The following CA11 variants were observed in gnomAD, a reference collection of about 807,000 sequenced individuals.
The protein encoded by CA11 is carbonic anhydrase 11 (inactive), also known as carbonic anhydrase-related protein 11.
A neutral mutation model predicts 39.3 loss-of-function variants in CA11; 20 were observed. The ratio of observed to expected loss-of-function variants is 0.51; its 90% CI spans 0.36 to 0.74. The LOEUF (loss-of-function observed/expected upper bound fraction) is 0.74. CA11 is among the 30% of genes least tolerant of loss of function. The pLI is 0.00. For synonymous variants in CA11, 166 were observed against 172.5 expected, an observed-to-expected ratio of 0.96 and a Z score of 0.29; for missense variants, 336 against 424.6, an observed-to-expected ratio of 0.79 and a Z score of 1.83.
chr19:48,644,635 T>C (rs1261694349), intron 2 of CA11, 66 bp from the exon 3 acceptor site: 1 of 1,362,186 alleles, frequency 7.3e-7, no homozygotes, highest in Non-Finnish European at 9.8e-7. Context: ...AGGGCTGGTA[T>C]CTGCTGAGTG....
chr19:48,638,035 CT>C lies in CA11; in HGVS notation c.*83del. ...TGAGAAAACAGGAAGTATTCTGTCC[CT>C]TTAATAGCTTTGTTTTAGGGGTAAC... is the stretch of plus-strand genomic sequence containing the variant. On this transcript the variant is annotated 3_prime_UTR_variant, in exon 9 of 9. Transcript: ENST00000084798. The C allele has an allele frequency of 9.7e-7, 1 of 1,026,670 alleles. No homozygotes were observed. Among genetic ancestry groups the C allele is most frequent in the Non-Finnish European group, 1.4e-6 (1 of 734,538 alleles). The allele number at this position is 1,026,670 out of a possible 1,614,324, so 63.6% of individuals were successfully genotyped here. A position where few individuals can be genotyped will look rare whatever the true frequency, so the allele number is the denominator to read the frequency against.
chr19:48,640,655 T>G (rs1361633826), intron 3 of CA11, among the ~76,000 whole-genome samples: 1 of 150,822 alleles, frequency 6.6e-6, no homozygotes, highest in Admixed American at 6.6e-5. Context: ...ATTACAGGCG[T>G]GAGCCACCGC....
Position 48,643,161 on chromosome 19 carries a change from TTCTC to T in CA11, c.285+1262_285+1265del, listed in dbSNP as rs934484429. ...TTCCCTTCCTTCCTTCCTTCTCTCT[TTCTC>T]TCTTTCTTTCTCGCTCTCTCTCTTT... On this transcript the variant is annotated intron_variant, in intron 3 of 8. Transcript: ENST00000084798. This position sits in a 1 kb window ranked among gnomAD's most constrained non-coding sequence, Gnocchi z 4.3. 1.3e-5 allele frequency among the ~76,000 whole-genome samples: 2 copies of T among 151,948 alleles called. No individual in the cohort carries two copies. The highest frequency in any genetic ancestry group is 1.9e-4 in the East Asian group (1 of 5,194).
chr19:48,639,168 C>A, intron 7 of CA11, 115 bp from the exon 8 acceptor site: 1 of 1,524,678 alleles, frequency 6.6e-7, no homozygotes. Context: ...CAGCCCCACC[C>A]ACCCCCAAGG....
chr19:48,643,630 CA>C lies in CA11; in HGVS notation c.285+796del, dbSNP rs1169751929. Among the ~76,000 whole-genome samples, 2,266 of 109,294 alleles carry C rather than the reference CA, an allele frequency of 0.021. 41 individuals are homozygous for C. Among genetic ancestry groups the C allele is most frequent in the Admixed American group, 0.097 (1,065 of 11,002 alleles). The allele number at this position is 109,294 out of a possible 152,430, so 71.7% of individuals were successfully genotyped here. ...GGGTCACAGAGTGAGATCCCAATTC[CA>C]AAAAAAAAAAAAAAAAGTATGGTTC... On this transcript the variant is annotated intron_variant, in intron 3 of 8. Transcript: ENST00000084798. This position sits in a 1 kb window ranked among gnomAD's most constrained non-coding sequence, Gnocchi z 4.3.
intron 3 of CA11, 103 bp downstream of exon 3, chr19:48,644,324 C>T (rs2031179373): frequency 8.9e-7 from 1 of 1,121,338 alleles, no homozygotes; most frequent in East Asian, 2.5e-5. Context: ...TGGGTGTCCC[C>T]TCCTCCCCCA....
At chr19:48,641,823 C>CTTT (rs71179023) in intron 3 of CA11, among the ~76,000 whole-genome samples, 64 of 92,270 alleles carry the variant, frequency 6.9e-4, no homozygotes, top group African/African-American at 1.6e-3. Flanking sequence ...TTTCAATTTT[C>CTTT]TTTTTTTTTT....
At chr19:48,645,276 A>T (rs2031212289) in intron 2 of CA11, 127 bp downstream of exon 2, 3 of 772,820 alleles carry the variant, frequency 3.9e-6, no homozygotes, top group Non-Finnish European at 6.3e-6. Flanking sequence ...CCGACTCCTG[A>T]GGGACAGAGG....
chr19:48,639,151 CTG>C, intron 7 of CA11, 98 bp from the exon 8 acceptor site: 1 of 1,534,296 alleles, frequency 6.5e-7, no homozygotes, highest in Non-Finnish European at 8.9e-7. Context: ...TGGGCGGGGT[CTG>C]TTCTCAGCCC....
Position 48,644,453 on chromosome 19 carries a change from A to G in CA11, c.259T>C (p.Leu87=). The change falls in exon 3 of 9, where the codon TTA becomes CTA. Residue 87 remains leucine (L), a synonymous_variant. Coordinates refer to ENST00000084798, the MANE Select transcript of CA11 (RefSeq NM_001217.5). The part of the protein sequence containing the change: ...RVLYDPFLPP[L]RLSTGGEKLR... ...TTCTCTCCTCCAGTGCTGAGCCTTA[A>G]TGGGGGCAGAAAGGGGTCATAAAGA... 1 of 1,608,664 alleles carries G rather than the reference A, an allele frequency of 6.2e-7. No homozygotes were observed. Among genetic ancestry groups the G allele is most frequent in the Non-Finnish European group, 8.5e-7 (1 of 1,176,598 alleles).
chr19:48,638,191 G>T, intron 8 of CA11, 47 bp from the exon 9 acceptor site: 1 of 1,195,194 alleles, frequency 8.4e-7, no homozygotes, highest in Non-Finnish European at 1.1e-6. Flanking sequence ...TAGGATGGAA[G>T]GGGCGGGGGG....
intron 3 of CA11, 84 bp from the exon 4 acceptor site, chr19:48,640,364 A>ATT: frequency 3.0e-6 from 2 of 677,482 alleles, no homozygotes; most frequent in African/African-American, 2.1e-5. Context: ...TGATTCCAAC[A>ATT]GTCTTTTTTT....
In CA11 at chr19:48,645,806, A is replaced by C; in HGVS notation, c.-174T>G. ...AGCCAGGGACTGAGATCCGCCCTTCAAACCCACTCTTCTTCTCTCTCCCGT... is the reference window on the plus strand; with the variant it reads ...AGCCAGGGACTGAGATCCGCCCTTCCAACCCACTCTTCTTCTCTCTCCCGT... On this transcript the variant is annotated 5_prime_UTR_variant, in exon 1 of 9. Coordinates refer to ENST00000084798, the MANE Select transcript of CA11 (RefSeq NM_001217.5). The C allele has an allele frequency of 1.8e-6, 1 of 549,022 alleles. No individual in the cohort carries two copies. Among genetic ancestry groups the C allele is most frequent in the Non-Finnish European group, 3.2e-6 (1 of 314,060 alleles). 34.0% of individuals were successfully genotyped at this position (549,022 alleles called of 1,614,324 possible). A position where few individuals can be genotyped will look rare whatever the true frequency, so the allele number is the denominator to read the frequency against.
Position 48,640,238 on chromosome 19 carries a change from G to T in CA11, c.328C>A (p.Leu110Met), listed in dbSNP as rs914035748. The T allele has an allele frequency of 6.2e-7, 1 of 1,613,942 alleles. No individual in the cohort carries two copies. The highest frequency in any genetic ancestry group is 8.5e-7 in the Non-Finnish European group (1 of 1,180,022). ...TTGACCACAGGTCGGGGTGCAGGCA[G>T]GAAGGAGACATGTCGGCCGGTGTTG... The part of the protein sequence containing the change: ...LYNTGRHVSF[L>M]PAPRPVVNVS... The change falls in exon 4 of 9, where the codon CTG becomes ATG. Residue 110 changes from leucine to methionine, a missense_variant. Transcript: ENST00000084798.
At chr19:48,641,304 C>T (rs1201032110) in intron 3 of CA11, among the ~76,000 whole-genome samples, 1 of 152,210 alleles carries the variant, frequency 6.6e-6, no homozygotes, top group Non-Finnish European at 1.5e-5. Context: ...AATCATTCAA[C>T]ATAATTTGAA....
intron 2 of CA11, 65 bp downstream of exon 2, chr19:48,645,338 G>C: frequency 7.0e-7 from 1 of 1,428,540 alleles, no homozygotes; most frequent in Non-Finnish European, 9.6e-7. Flanking sequence ...GGGAACCCAG[G>C]TTCCTGAGTC....
At chr19:48,639,120 A>C in intron 7 of CA11, 67 bp from the exon 8 acceptor site, 1 of 1,593,480 alleles carries the variant, frequency 6.3e-7, no homozygotes, top group African/African-American at 1.3e-5. Flanking sequence ...TCACGCAGGA[A>C]ACCCCGCCCC....
intron 3 of CA11, among the ~76,000 whole-genome samples, chr19:48,641,057 G>A (rs2031070597): frequency 6.7e-6 from 1 of 149,860 alleles, no homozygotes; most frequent in Non-Finnish European, 1.5e-5. Flanking sequence ...TCGCCTCACT[G>A]CAACCTCTGA....
At chr19:48,644,284 T>G (rs2031178593) in intron 3 of CA11, 143 bp downstream of exon 3, 4 of 593,028 alleles carry the variant, frequency 6.7e-6, no homozygotes, top group African/African-American at 5.6e-5. Context: ...TGATCCATTT[T>G]ACAGTGTAAG....
Sources: allele counts gnomAD v4.1 joint callset (sites outside exome capture counted in the v4.1 genomes callset), GRCh38; gene constraint gnomAD v4.1.1; non-coding constraint Gnocchi (gnomAD v3.1); transcripts MANE v1.5; gene names NCBI Gene and HGNC (gene_info 2026-07-23, HGNC 2026-07-21).